The following RNF13 variants were observed in gnomAD, a reference collection of about 807,000 sequenced individuals.
The protein encoded by RNF13 is ring finger protein 13.
In RNF13, 19 loss-of-function variants were observed where a neutral mutation model predicts 37.7. The ratio of observed to expected loss-of-function variants is 0.50; its 90% CI spans 0.35 to 0.74. The LOEUF (loss-of-function observed/expected upper bound fraction) is 0.74, where lower values mean the gene tolerates loss of function less well. RNF13 is among the 30% of genes least tolerant of loss of function. The pLI, the probability that RNF13 is intolerant of heterozygous loss-of-function variation, is 0.01. For missense variants in RNF13, 375 were observed against 453.0 expected, an observed-to-expected ratio of 0.83 and a Z score of 1.56; for synonymous variants, 144 against 157.8, an observed-to-expected ratio of 0.91 and a Z score of 0.65.
intron 8 of RNF13, among the ~76,000 whole-genome samples, chr3:149,940,240 C>G (rs1197320675): frequency 6.6e-6 from 1 of 152,048 alleles, no homozygotes; most frequent in East Asian, 1.9e-4. Flanking sequence ...ACATTTACAA[C>G]TAATCCAATT....
intron 8 of RNF13, among the ~76,000 whole-genome samples, chr3:149,926,495 C>A (rs1228829988): frequency 6.6e-6 from 1 of 152,128 alleles, no homozygotes; most frequent in African/African-American, 2.4e-5. Flanking sequence ...CAGGCGTGAG[C>A]CACCATGCCC....
chr3:149,820,711 G>GT (rs951346759), intron 1 of RNF13, among the ~76,000 whole-genome samples: 2 of 152,126 alleles, frequency 1.3e-5, no homozygotes, highest in Non-Finnish European at 2.9e-5. Context: ...GTGGCATTTA[G>GT]TACCTTTGCA....
chr3:149,871,094 T>C (rs1174427458), intron 3 of RNF13, among the ~76,000 whole-genome samples: 1 of 146,916 alleles, frequency 6.8e-6, no homozygotes, highest in African/African-American at 2.5e-5. Context: ...CAGGCTGGAG[T>C]GCAGTGGCAG....
chr3:149,865,727 T>A (rs1233618212), intron 3 of RNF13, among the ~76,000 whole-genome samples: 1 of 152,194 alleles, frequency 6.6e-6, no homozygotes, highest in Non-Finnish European at 1.5e-5. Context: ...AATTTTGGGT[T>A]GCATTTGGTG....
At chr3:149,958,229 G>A (rs1722048481) in intron 8 of RNF13, among the ~76,000 whole-genome samples, 2 of 152,152 alleles carry the variant, frequency 1.3e-5, no homozygotes, top group African/African-American at 4.8e-5. Context: ...TTAGAAGTTT[G>A]ACACAGGTCT....
chr3:149,928,369 C>G (rs1718851769), intron 8 of RNF13, among the ~76,000 whole-genome samples: 1 of 151,884 alleles, frequency 6.6e-6, no homozygotes, highest in South Asian at 2.1e-4. Flanking sequence ...AGGTAGGGCT[C>G]CCGGCTTATT....
At chr3:149,944,489 G>A (rs1720578838) in intron 8 of RNF13, among the ~76,000 whole-genome samples, 1 of 152,152 alleles carries the variant, frequency 6.6e-6, no homozygotes, top group Non-Finnish European at 1.5e-5. Flanking sequence ...GTTGTTTCCT[G>A]ACTTTTTAAT....
chr3:149,946,684 A>G (rs1359450229), intron 8 of RNF13, among the ~76,000 whole-genome samples: 1 of 151,942 alleles, frequency 6.6e-6, no homozygotes, highest in African/African-American at 2.4e-5. Flanking sequence ...AATTTTAGCT[A>G]TTTCAGTCTT....
intron 4 of RNF13, among the ~76,000 whole-genome samples, chr3:149,893,095 T>G (rs1714884964): frequency 6.6e-6 from 1 of 152,186 alleles, no homozygotes; most frequent in South Asian, 2.1e-4. Flanking sequence ...TTAAGGATAA[T>G]GACTTTCTGA....
chr3:149,842,050 T>G (rs1722234771), intron 1 of RNF13, among the ~76,000 whole-genome samples: 1 of 152,212 alleles, frequency 6.6e-6, no homozygotes, highest in South Asian at 2.1e-4. Flanking sequence ...TCTCTTGACT[T>G]TTGTGAAATC....
chr3:149,848,449 CAG>C (rs1422909777), intron 2 of RNF13, among the ~76,000 whole-genome samples: 4 of 152,106 alleles, frequency 2.6e-5, no homozygotes, highest in African/African-American at 4.8e-5. Flanking sequence ...AAAATTGAGA[CAG>C]AGGAACTGGA....
intron 4 of RNF13, among the ~76,000 whole-genome samples, chr3:149,891,142 G>GT (rs1227660767): frequency 6.6e-6 from 1 of 152,176 alleles, no homozygotes; most frequent in East Asian, 1.9e-4. Context: ...ACAAAGCAGT[G>GT]TTTAAATCTC....
intron 1 of RNF13, among the ~76,000 whole-genome samples, chr3:149,825,161 G>T (rs1374260856): frequency 6.7e-6 from 1 of 150,114 alleles, no homozygotes; most frequent in Non-Finnish European, 1.5e-5. Context: ...GTCTAGCTAT[G>T]TTGCCCAGGC....
At chr3:149,889,009 G>C (rs1714357315) in intron 4 of RNF13, among the ~76,000 whole-genome samples, 1 of 152,172 alleles carries the variant, frequency 6.6e-6, no homozygotes, top group Admixed American at 6.5e-5. Flanking sequence ...CGCGATCTCA[G>C]CTCACTGCAA....
intron 8 of RNF13, chr3:149,939,426 T>C (rs1720034192): frequency 5.6e-6 from 3 of 538,500 alleles, no homozygotes; most frequent in South Asian, 2.9e-5. Flanking sequence ...CTTCATCTTC[T>C]GACTCTGCAT....
intron 7 of RNF13, 111 bp from the exon 8 acceptor site, chr3:149,921,023 A>C (rs1442817492): frequency 1.1e-5 from 4 of 372,386 alleles, no homozygotes; most frequent in Non-Finnish European, 2.0e-5. Flanking sequence ...AAATGAATTG[A>C]ATTGATTTGC....
At chr3:149,868,639 C>T (rs1337258812) in intron 3 of RNF13, among the ~76,000 whole-genome samples, 2 of 149,884 alleles carry the variant, frequency 1.3e-5, no homozygotes, top group African/African-American at 2.4e-5. Context: ...TCTTTCCTTT[C>T]TTTCTCTCTC....
intron 1 of RNF13, among the ~76,000 whole-genome samples, chr3:149,823,479 A>G (rs922044520): frequency 1.3e-5 from 2 of 152,190 alleles, no homozygotes; most frequent in African/African-American, 4.8e-5. Context: ...ATTGGGCAAT[A>G]TGTATGAAGT....
chr3:149,832,553 A>G (rs1002848446), intron 1 of RNF13, among the ~76,000 whole-genome samples: 1 of 152,132 alleles, frequency 6.6e-6, no homozygotes, highest in African/African-American at 2.4e-5. Context: ...CAGTTTGCTC[A>G]TTTTCTCAAA....
Sources: gnomAD v4.1 joint callset for allele counts (sites outside exome capture counted in the v4.1 genomes callset) on GRCh38, gnomAD v4.1.1 for gene constraint, MANE v1.5 for transcripts, NCBI Gene and HGNC (gene_info 2026-07-23, HGNC 2026-07-21) for gene names.